The following DLGAP1 variants were observed in gnomAD, a reference collection of about 807,000 sequenced individuals.
The protein encoded by DLGAP1 is disks large-associated protein 1.
DLGAP1 carries 11 observed loss-of-function variants against 90.8 expected under a neutral mutation model. The ratio of observed to expected loss-of-function variants is 0.12; its 90% CI spans 0.08 to 0.20. The LOEUF (loss-of-function observed/expected upper bound fraction) is 0.20. Ranked by LOEUF, DLGAP1 falls within the 10% of genes least tolerant of loss-of-function variation. The pLI, the probability that DLGAP1 is intolerant of heterozygous loss-of-function variation, is 1.00. For missense variants in DLGAP1, 1,050 were observed against 1,333.8 expected (o/e 0.79, Z 3.31); for synonymous variants, 558 against 540.7 (o/e 1.03, Z -0.44).
rs1599267483 is a variant in DLGAP1 at position 3,983,808 on chromosome 18, C to A, written c.-73+21308G>T. 3 of 152,150 alleles carry A rather than the reference C, an allele frequency of 2.0e-5. No individual in the cohort carries two copies. In the East Asian group the frequency reaches 5.8e-4, roughly 29 times the overall value. The allele number at this position is 152,150 out of a possible 1,614,324, so 9.4% of individuals were successfully genotyped here. A position where few individuals can be genotyped will look rare whatever the true frequency, so the allele number is the denominator to read the frequency against. ...AATCATCAGCCCATTCTAACGTCTA[C>A]CGCATTGTTTAAAGAGATAACAGAA... On this transcript the variant is annotated intron_variant, in intron 3 of 12. Coordinates refer to ENST00000315677, the MANE Select transcript of DLGAP1 (RefSeq NM_004746.4).
chr18:4,061,385 T>TAA (rs71160935), intron 2 of DLGAP1, among the ~76,000 whole-genome samples: 7 of 152,004 alleles, frequency 4.6e-5, no homozygotes, highest in Non-Finnish European at 5.9e-5. Flanking sequence ...ATTAATCTTA[T>TAA]AAAAATCTGT....
intron 2 of DLGAP1, among the ~76,000 whole-genome samples, chr18:4,073,373 G>C (rs918681198): frequency 6.6e-6 from 1 of 152,144 alleles, no homozygotes; most frequent in Non-Finnish European, 1.5e-5. Context: ...AATGGAATTA[G>C]GAGTTCACAC....
rs527685127 is a variant in DLGAP1 at position 4,032,437 on chromosome 18, C to CA, written c.-158-27237dup. 1.8e-4 allele frequency among the ~76,000 whole-genome samples: 27 copies of CA among 151,596 alleles called. No homozygotes were observed. In the East Asian group the frequency reaches 4.1e-3, roughly 23 times the overall value. On this transcript the variant is annotated intron_variant, in intron 2 of 12. Transcript: ENST00000315677. Reference sequence around the variant, plus strand: ...TTTTCCCCAATAAAGTTTTGAACATCAAAAAAAAGAAAAATAAGAAAACAA... The same window carrying CA: ...TTTTCCCCAATAAAGTTTTGAACATCAAAAAAAAAGAAAAATAAGAAAACAA...
At chr18:3,924,086 G>A (rs1450686435) in intron 3 of DLGAP1, among the ~76,000 whole-genome samples, 3 of 152,178 alleles carry the variant, frequency 2.0e-5, no homozygotes, top group African/African-American at 7.2e-5. Flanking sequence ...AAGTGTCAGT[G>A]ATGTCACAGA....
intron 1 of DLGAP1, among the ~76,000 whole-genome samples, chr18:4,274,190 A>C (rs770003259): frequency 4.0e-5 from 6 of 151,862 alleles, no homozygotes; most frequent in Non-Finnish European, 5.9e-5. Flanking sequence ...TCTGCATTCC[A>C]TAAGTCTTAC....
chr18:3,764,607 A>G (rs1568093177), intron 5 of DLGAP1, among the ~76,000 whole-genome samples: 1 of 152,346 alleles, frequency 6.6e-6, no homozygotes, highest in East Asian at 1.9e-4. Context: ...CATTTTCGAA[A>G]TCATCCCAAA....
At chr18:4,405,728 C>T (rs1360378834) in intron 1 of DLGAP1, among the ~76,000 whole-genome samples, 1 of 152,116 alleles carries the variant, frequency 6.6e-6, no homozygotes, top group African/African-American at 2.4e-5. Context: ...TATCTCAAGA[C>T]AAAGATGGGT....
chr18:4,301,916 T>G (rs2080135868), intron 1 of DLGAP1, among the ~76,000 whole-genome samples: 1 of 152,212 alleles, frequency 6.6e-6, no homozygotes, highest in African/African-American at 2.4e-5. Context: ...TTCATATATC[T>G]GTTGGTCATT....
intron 1 of DLGAP1, among the ~76,000 whole-genome samples, chr18:4,332,568 C>A (rs1024232048): frequency 6.6e-6 from 1 of 151,826 alleles, no homozygotes; most frequent in Non-Finnish European, 1.5e-5. Context: ...TCCAAAGATG[C>A]CAAAACAATT....
chr18:4,257,626 C>T (rs964963932), intron 1 of DLGAP1, among the ~76,000 whole-genome samples: 3 of 150,916 alleles, frequency 2.0e-5, no homozygotes, highest in Non-Finnish European at 4.4e-5. Flanking sequence ...TTTTCTTTTC[C>T]TTTCTTTTTT....
At chr18:4,121,919 A>T (rs2076159685) in intron 2 of DLGAP1, among the ~76,000 whole-genome samples, 1 of 152,252 alleles carries the variant, frequency 6.6e-6, no homozygotes, top group African/African-American at 2.4e-5. Flanking sequence ...TACCCATGAC[A>T]AACTTAGAAA....
intron 7 of DLGAP1, among the ~76,000 whole-genome samples, chr18:3,644,650 T>A (rs932499150): frequency 3.9e-5 from 6 of 152,256 alleles, no homozygotes; most frequent in Non-Finnish European, 5.9e-5. Context: ...TGACCTCAGA[T>A]GATCCACCCG....
In DLGAP1 at chr18:3,653,263, C is replaced by G. The variant is rs779899463; in HGVS notation, c.1592-71015G>C. 3.3e-5 allele frequency: 5 copies of G among 152,272 alleles called. No individual in the cohort carries two copies. The highest frequency in any genetic ancestry group is 5.9e-5 in the Non-Finnish European group (4 of 68,024). 9.4% of individuals were successfully genotyped at this position (152,272 alleles called of 1,614,324 possible). ...TGGTGCGACTGTTTCCCCCTTCCGT[C>G]AAATTGCTGTCTAGATGTTTCTCTC... On this transcript the variant is annotated intron_variant, in intron 7 of 12. Transcript: ENST00000315677. The surrounding 1 kb of genome is among the most constrained non-coding windows in gnomAD (Gnocchi z 4.6).
chr18:4,411,677 A>G (rs1041547073), intron 1 of DLGAP1, among the ~76,000 whole-genome samples: 2 of 152,168 alleles, frequency 1.3e-5, no homozygotes, highest in Non-Finnish European at 1.5e-5. Flanking sequence ...AAGGCTCCAC[A>G]TTCTGCAACA....
chr18:3,895,077 C>T lies in DLGAP1; in HGVS notation c.-72-14937G>A, dbSNP rs74674156. On this transcript the variant is annotated intron_variant, in intron 3 of 12. Transcript: ENST00000315677. ...AATTCCTCTCAGGTGTCAGTATTAA[C>T]AAAACTGTGTGCTTAACAGCTGCCT... is the stretch of plus-strand genomic sequence containing the variant. Among the ~76,000 whole-genome samples, 983 of 152,256 alleles carry T rather than the reference C, an allele frequency of 6.5e-3. 11 individuals are homozygous for T. Among genetic ancestry groups the T allele is most frequent in the African/African-American group, 0.022 (931 of 41,534 alleles).
chr18:3,556,864 T>C (rs1286628742), intron 9 of DLGAP1, among the ~76,000 whole-genome samples: 1 of 152,198 alleles, frequency 6.6e-6, no homozygotes, highest in Non-Finnish European at 1.5e-5. Context: ...GCCTCTAATC[T>C]CAACACGTTG....
intron 1 of DLGAP1, among the ~76,000 whole-genome samples, chr18:4,189,131 C>A (rs955573463): frequency 6.6e-6 from 1 of 152,012 alleles, no homozygotes; most frequent in Admixed American, 6.6e-5. Context: ...TTTTGATGAA[C>A]ATCATCTCCA....
chr18:4,198,936 T>C (rs1799234881), intron 1 of DLGAP1, among the ~76,000 whole-genome samples: 1 of 152,200 alleles, frequency 6.6e-6, no homozygotes, highest in East Asian at 1.9e-4. Flanking sequence ...GGCATCGTAG[T>C]GAGAGGTGTG....
chr18:3,965,265 T>C (rs1023016229), intron 3 of DLGAP1, among the ~76,000 whole-genome samples: 8 of 152,220 alleles, frequency 5.3e-5, no homozygotes, highest in African/African-American at 1.9e-4. Flanking sequence ...TGAAGGATAT[T>C]CTGGAGGACC....
Sources: gnomAD v4.1 joint callset for allele counts (sites outside exome capture counted in the v4.1 genomes callset) on GRCh38, gnomAD v4.1.1 for gene constraint, Gnocchi (gnomAD v3.1) non-coding constraint, MANE v1.5 for transcripts, NCBI Gene and HGNC (gene_info 2026-07-23, HGNC 2026-07-21) for gene names.